The following CADM2 variants were observed in gnomAD, a reference collection of about 807,000 sequenced individuals.
The protein encoded by CADM2 is cell adhesion molecule 2.
CADM2 carries 12 observed loss-of-function variants against 49.8 expected under a neutral mutation model. The ratio of observed to expected loss-of-function variants is 0.24; its 90% confidence interval spans 0.15 to 0.39. The LOEUF is 0.39. Ranked by LOEUF, CADM2 falls within the 10% of genes least tolerant of loss-of-function variation. The pLI, the probability that CADM2 is intolerant of heterozygous loss-of-function variation, is 1.00. For synonymous variants in CADM2, 214 were observed against 175.4 expected (o/e 1.22, Z -1.74); for missense variants, 378 against 492.3 (o/e 0.77, Z 2.20).
intron 1 of CADM2, among the ~76,000 whole-genome samples, chr3:85,384,152 T>C (rs2107366212): frequency 6.6e-6 from 1 of 152,312 alleles, no homozygotes; most frequent in South Asian, 2.1e-4. Context: ...TTATGGTATC[T>C]TTTAAATCTG....
intron 2 of CADM2, among the ~76,000 whole-genome samples, chr3:85,728,389 C>T (rs780188160): frequency 2.0e-5 from 3 of 152,060 alleles, no homozygotes; most frequent in East Asian, 1.9e-4. Context: ...AGCAATGACA[C>T]GTTCAAAAAT....
intron 1 of CADM2, among the ~76,000 whole-genome samples, chr3:85,552,382 T>C (rs2061832035): frequency 7.0e-6 from 1 of 143,134 alleles, no homozygotes; most frequent in African/African-American, 2.7e-5. Flanking sequence ...TTTTTTTTTT[T>C]TTTTTTTTTT....
chr3:85,766,602 T>C (rs954584534), intron 2 of CADM2, among the ~76,000 whole-genome samples: 1 of 152,226 alleles, frequency 6.6e-6, no homozygotes, highest in Non-Finnish European at 1.5e-5. Context: ...TTTGTGATGC[T>C]GGAATTTTGC....
At chr3:85,745,781 C>A (rs544290035) in intron 2 of CADM2, among the ~76,000 whole-genome samples, 5 of 152,148 alleles carry the variant, frequency 3.3e-5, no homozygotes, top group African/African-American at 1.2e-4. Flanking sequence ...GGCAGGATGG[C>A]TTGAGCTGTT....
chr3:85,249,574 A>G (rs1038948247), intron 1 of CADM2, among the ~76,000 whole-genome samples: 3 of 151,986 alleles, frequency 2.0e-5, no homozygotes, highest in African/African-American at 7.2e-5. Context: ...AATATCTTAA[A>G]TCAATATTAT....
intron 1 of CADM2, among the ~76,000 whole-genome samples, chr3:85,139,582 A>G (rs1042138748): frequency 1.3e-5 from 2 of 152,118 alleles, no homozygotes; most frequent in Admixed American, 1.3e-4. Flanking sequence ...TGCATATAGA[A>G]TTATATATAC....
At chr3:85,383,503 C>CAAATATATATATAT in intron 1 of CADM2, among the ~76,000 whole-genome samples, 1 of 109,226 alleles carries the variant, frequency 9.2e-6, no homozygotes, top group East Asian at 3.1e-4. Flanking sequence ...TACATAAAAC[C>CAAATATATATATAT]ATATATATAT....
At position 85,815,213 on chromosome 3, in the gene CADM2, G is replaced by A. The variant is rs183819515; in HGVS notation, c.238+13017G>A. Among the ~76,000 whole-genome samples the A allele has an allele frequency of 5.6e-3, 859 of 152,140 alleles. 8 individuals are homozygous for A. The highest frequency in any genetic ancestry group is 9.6e-3 in the Non-Finnish European group (652 of 67,974). On this transcript the variant is annotated intron_variant, in intron 3 of 9. Coordinates refer to ENST00000383699, the MANE Select transcript of CADM2 (RefSeq NM_001167675.2). ...CCTTCTGAAAGTATTCCAAACAATA[G>A]AAAAAGAGGGAATCCTCCCTAACTC...
At chr3:85,980,226 G>A (rs1340274172) in intron 8 of CADM2, among the ~76,000 whole-genome samples, 1 of 151,284 alleles carries the variant, frequency 6.6e-6, no homozygotes, top group Non-Finnish European at 1.5e-5. Context: ...AAATTAATGA[G>A]GACTTTATAT....
intron 1 of CADM2, among the ~76,000 whole-genome samples, chr3:85,240,288 G>A (rs2107833800): frequency 6.6e-6 from 1 of 151,384 alleles, no homozygotes; most frequent in Non-Finnish European, 1.5e-5. Context: ...ATTGTTTTTA[G>A]CATGAAAAGA....
At chr3:85,729,565 A>C (rs2067847508) in intron 2 of CADM2, among the ~76,000 whole-genome samples, 1 of 152,168 alleles carries the variant, frequency 6.6e-6, no homozygotes, top group Non-Finnish European at 1.5e-5. Context: ...GTTACTCTTC[A>C]CGCGTAAATT....
At chr3:86,053,497 C>T (rs931716559) in intron 8 of CADM2, among the ~76,000 whole-genome samples, 1 of 152,124 alleles carries the variant, frequency 6.6e-6, no homozygotes. Context: ...CAGGAGAGAG[C>T]ACAGCACAGA....
chr3:86,006,844 A>G (rs949259918), intron 8 of CADM2, among the ~76,000 whole-genome samples: 1 of 151,818 alleles, frequency 6.6e-6, no homozygotes, highest in Non-Finnish European at 1.5e-5. Context: ...AGTTCGAGAC[A>G]AGCCTGGCCA....
intron 1 of CADM2, among the ~76,000 whole-genome samples, chr3:85,119,964 T>C (rs926728082): frequency 2.6e-5 from 4 of 152,184 alleles, no homozygotes; most frequent in Admixed American, 2.6e-4. Context: ...AGCCAGAATC[T>C]ACAATGAACT....
In CADM2 at chr3:85,102,293, A is replaced by C. The variant is rs531655689; in HGVS notation, c.61+142625A>C. On this transcript the variant is annotated intron_variant, in intron 1 of 9. Transcript: ENST00000383699. ...TAAACATTTGGGTCATGAATAAATGAACATTCCCATAAAATCAAATTTACA... is the reference window on the plus strand; with the variant it reads ...TAAACATTTGGGTCATGAATAAATGCACATTCCCATAAAATCAAATTTACA... 6.8e-4 allele frequency among the ~76,000 whole-genome samples: 104 copies of C among 152,294 alleles called. 1 individual carries two copies. Among genetic ancestry groups the C allele is most frequent in the Admixed American group, 6.8e-3 (104 of 15,278 alleles).
At chr3:85,996,315 T>A (rs13091099) in intron 8 of CADM2, among the ~76,000 whole-genome samples, 51 of 137,262 alleles carry the variant, frequency 3.7e-4, no homozygotes, top group African/African-American at 1.3e-3. Context: ...TTTTTTTTGG[T>A]CTGAGACGGA....
intron 1 of CADM2, among the ~76,000 whole-genome samples, chr3:85,435,566 G>A (rs565901010): frequency 1.3e-5 from 2 of 152,174 alleles, no homozygotes; most frequent in East Asian, 3.9e-4. Context: ...GGTATTTCTG[G>A]TTTTAGATCC....
At chr3:85,418,822 C>A (rs2053108) in intron 1 of CADM2, among the ~76,000 whole-genome samples, 85,831 of 151,938 alleles carry the variant, frequency 0.56, 25,260 homozygotes, top group East Asian at 0.83. Context: ...AAAGCAGTTT[C>A]TTTTCTGATA....
chr3:85,608,137 G>A (rs1330875518), intron 1 of CADM2, among the ~76,000 whole-genome samples: 1 of 152,012 alleles, frequency 6.6e-6, no homozygotes, highest in Admixed American at 6.6e-5. Flanking sequence ...GGCATACAAT[G>A]ATGTGTTTAG....
Sources: gnomAD v4.1 joint callset for allele counts (sites outside exome capture counted in the v4.1 genomes callset) on GRCh38, gnomAD v4.1.1 for gene constraint, MANE v1.5 for transcripts, NCBI Gene and HGNC (gene_info 2026-07-23, HGNC 2026-07-21) for gene names.